The following CNTN1 variants were observed in gnomAD, a reference collection of about 807,000 sequenced individuals.
CNTN1 encodes the protein contactin-1.
Under a neutral mutation model 126.4 loss-of-function variants are expected in CNTN1, and 38 were observed. The observed-to-expected ratio is 0.30, with a 90% CI of 0.23 to 0.39. The LOEUF is 0.39. Ranked by LOEUF, CNTN1 falls within the 10% of genes least tolerant of loss-of-function variation. The pLI, the probability that CNTN1 is intolerant of heterozygous loss-of-function variation, is 1.00. For missense variants in CNTN1, 1,009 were observed against 1,248.4 expected (o/e 0.81, Z 2.89); for synonymous variants, 413 against 422.6 (o/e 0.98, Z 0.28).
At chr12:40,788,131 A>G (rs1043204116) in intron 1 of CNTN1, among the ~76,000 whole-genome samples, 1 of 152,090 alleles carries the variant, frequency 6.6e-6, no homozygotes, top group Non-Finnish European at 1.5e-5. Context: ...GTCTCCTCCC[A>G]TCGTCCAAGA....
At chr12:41,064,778 T>TAGATAGATAGAC (rs1950014545) in intron 23 of CNTN1, among the ~76,000 whole-genome samples, 1 of 151,304 alleles carries the variant, frequency 6.6e-6, no homozygotes. Context: ...TCTAGATAGA[T>TAGATAGATAGAC]AGATAGATAG....
At chr12:40,726,859 T>C (rs372731066) in intron 1 of CNTN1, among the ~76,000 whole-genome samples, 30,556 of 151,556 alleles carry the variant, frequency 0.2, 3,205 homozygotes, top group Middle Eastern at 0.28. Flanking sequence ...TCATAATGTA[T>C]ATTTTCTCTA....
chr12:41,039,705 G>T (rs1949352753), intron 23 of CNTN1, among the ~76,000 whole-genome samples: 1 of 152,026 alleles, frequency 6.6e-6, no homozygotes, highest in Non-Finnish European at 1.5e-5. Flanking sequence ...TATTTGCAAT[G>T]CATACCAGCC....
At chr12:40,785,479 G>T (rs1255686839) in intron 1 of CNTN1, among the ~76,000 whole-genome samples, 1 of 152,166 alleles carries the variant, frequency 6.6e-6, no homozygotes, top group Non-Finnish European at 1.5e-5. Context: ...TTTCACCTGG[G>T]TGCGGGCGGG....
At chr12:41,044,952 T>C (rs1277349884) in intron 23 of CNTN1, among the ~76,000 whole-genome samples, 1 of 152,100 alleles carries the variant, frequency 6.6e-6, no homozygotes, top group Non-Finnish European at 1.5e-5. Context: ...TTTCAACCAA[T>C]TTATGATATA....
In CNTN1 at chr12:40,924,549, G is replaced by A. The variant is rs575754931; in HGVS notation, c.401-8G>A. ...GTGAATGTTTCTCTTTTTTTCTTTC[G>A]TAATTAGATCTTGATCCTTTCCCAC... On this transcript the variant is annotated splice_polypyrimidine_tract_variant and splice_region_variant and intron_variant, in intron 5 of 23. Coordinates refer to ENST00000551295, the MANE Select transcript of CNTN1 (RefSeq NM_001843.4). 121 of 1,471,370 alleles carry A rather than the reference G, an allele frequency of 8.2e-5. No homozygotes were observed. In the East Asian group the frequency reaches 1.5e-3, roughly 18 times the overall value. The allele number at this position is 1,471,370 out of a possible 1,614,324, so 91.1% of individuals were successfully genotyped here. A position where few individuals can be genotyped will look rare whatever the true frequency, so the allele number is the denominator to read the frequency against.
At chr12:40,986,830 T>C (rs1388393044) in intron 16 of CNTN1, among the ~76,000 whole-genome samples, 1 of 152,174 alleles carries the variant, frequency 6.6e-6, no homozygotes, top group Non-Finnish European at 1.5e-5. Context: ...AAAATAATTG[T>C]CAAATTACTA....
intron 1 of CNTN1, among the ~76,000 whole-genome samples, chr12:40,855,735 T>C (rs1223721814): frequency 6.6e-6 from 1 of 152,160 alleles, no homozygotes; most frequent in East Asian, 1.9e-4. Flanking sequence ...TATAGCTTAA[T>C]GTAACAGACG....
chr12:40,835,661 C>T (rs1436202022), intron 1 of CNTN1, among the ~76,000 whole-genome samples: 1 of 152,078 alleles, frequency 6.6e-6, no homozygotes, highest in Non-Finnish European at 1.5e-5. Flanking sequence ...AATCAGGGAT[C>T]ATTTATCTCA....
At chr12:40,780,954 C>T (rs1003963369) in intron 1 of CNTN1, among the ~76,000 whole-genome samples, 1 of 151,068 alleles carries the variant, frequency 6.6e-6, no homozygotes, top group South Asian at 2.1e-4. Flanking sequence ...TGATATGACT[C>T]ATTAATGCAT....
Position 40,692,489 on chromosome 12 carries a change from G to A in CNTN1, c.-180G>A, listed in dbSNP as rs1941324590. 6.5e-6 allele frequency: 1 copy of A among 152,674 alleles called. No homozygotes were observed. The highest frequency in any genetic ancestry group is 6.5e-5 in the Admixed American group (1 of 15,304). The allele number at this position is 152,674 out of a possible 1,614,324, so 9.5% of individuals were successfully genotyped here. A position where few individuals can be genotyped will look rare whatever the true frequency, so the allele number is the denominator to read the frequency against. ...GTGGGCTCCGCCGAGGCGAGGAGGG[G>A]CGCCGGTGGGGAGATGCGCTCCCAG... On this transcript the variant is annotated 5_prime_UTR_variant, in exon 1 of 24. Transcript: ENST00000551295.
chr12:40,743,669 T>A (rs1277821929), intron 1 of CNTN1, among the ~76,000 whole-genome samples: 1 of 152,122 alleles, frequency 6.6e-6, no homozygotes, highest in African/African-American at 2.4e-5. Context: ...TTCTTGTAAA[T>A]TTTTTTAAGC....
At chr12:40,927,236 T>C (rs987476778) in intron 6 of CNTN1, among the ~76,000 whole-genome samples, 1 of 152,098 alleles carries the variant, frequency 6.6e-6, no homozygotes, top group Non-Finnish European at 1.5e-5. Flanking sequence ...CAGTCTATAA[T>C]CCGAGGAAAA....
chr12:41,035,251 A>G (rs1390045115), intron 23 of CNTN1, among the ~76,000 whole-genome samples: 1 of 152,238 alleles, frequency 6.6e-6, no homozygotes, highest in Non-Finnish European at 1.5e-5. Flanking sequence ...TTTTAAAATA[A>G]TCCTCCAAGA....
chr12:40,913,864 G>C (rs568174010), intron 3 of CNTN1, among the ~76,000 whole-genome samples: 12 of 152,084 alleles, frequency 7.9e-5, no homozygotes, highest in African/African-American at 2.7e-4. Context: ...TAGTCTTTTT[G>C]ATCACATTTA....
chr12:40,947,017 A>G (rs1946457544), intron 14 of CNTN1, among the ~76,000 whole-genome samples: 1 of 152,032 alleles, frequency 6.6e-6, no homozygotes. Flanking sequence ...ATTTTTAAAG[A>G]TGTATATTTC....
At chr12:40,850,957 C>G (rs759068049) in intron 1 of CNTN1, among the ~76,000 whole-genome samples, 1 of 152,108 alleles carries the variant, frequency 6.6e-6, no homozygotes, top group Non-Finnish European at 1.5e-5. Flanking sequence ...TTGATTGGCA[C>G]GAAACGATTT....
chr12:40,944,991 T>TA (rs755582151), intron 14 of CNTN1, among the ~76,000 whole-genome samples: 2 of 152,224 alleles, frequency 1.3e-5, no homozygotes, highest in East Asian at 3.9e-4. Flanking sequence ...GTAGGACATT[T>TA]AGGATTGTTT....
intron 1 of CNTN1, among the ~76,000 whole-genome samples, chr12:40,760,359 C>T (rs908865574): frequency 6.6e-6 from 1 of 152,020 alleles, no homozygotes; most frequent in Non-Finnish European, 1.5e-5. Flanking sequence ...AATTATATCA[C>T]AAATTTATAT....
Sources: allele counts gnomAD v4.1 joint callset (sites outside exome capture counted in the v4.1 genomes callset), GRCh38; gene constraint gnomAD v4.1.1; transcripts MANE v1.5; gene names NCBI Gene and HGNC (gene_info 2026-07-23, HGNC 2026-07-21).